CA10: variants seen among roughly 807,000 people sequenced by gnomAD.
The protein encoded by CA10 is carbonic anhydrase 10 (inactive), also known as carbonic anhydrase-related protein 10.
A neutral mutation model predicts 44.2 loss-of-function variants in CA10; 14 were observed. The ratio of observed to expected loss-of-function variants is 0.32; its 90% CI spans 0.21 to 0.50. The LOEUF (loss-of-function observed/expected upper bound fraction) is 0.50, where lower values mean the gene tolerates loss of function less well. Among genes scored for constraint, CA10 ranks in the 20% least tolerant of loss-of-function variants. CA10 has a pLI of 0.99. For synonymous variants in CA10, 159 were observed against 141.6 expected, an observed-to-expected ratio of 1.12 and a Z score of -0.87; for missense variants, 350 against 409.7, an observed-to-expected ratio of 0.85 and a Z score of 1.26.
At chr17:51,852,581 A>G (rs1978844223) in intron 3 of CA10, among the ~76,000 whole-genome samples, 2 of 152,226 alleles carry the variant, frequency 1.3e-5, no homozygotes, top group African/African-American at 4.8e-5. Context: ...GCTGAAATTT[A>G]AATCCAGGTC....
intron 2 of CA10, among the ~76,000 whole-genome samples, chr17:52,047,910 AATATT>A (rs1348813172): frequency 6.6e-6 from 1 of 151,902 alleles, no homozygotes; most frequent in Non-Finnish European, 1.5e-5. Context: ...ATGGTGAAAC[AATATT>A]ATATTAGTAA....
At chr17:52,115,547 T>G (rs1398847894) in intron 1 of CA10, among the ~76,000 whole-genome samples, 5 of 152,238 alleles carry the variant, frequency 3.3e-5, no homozygotes, top group Non-Finnish European at 7.3e-5. Flanking sequence ...TTTCCTTCTT[T>G]TTATTAGGAC....
intron 2 of CA10, among the ~76,000 whole-genome samples, chr17:51,966,026 T>A (rs1271277177): frequency 6.6e-6 from 1 of 151,878 alleles, no homozygotes; most frequent in Non-Finnish European, 1.5e-5. Flanking sequence ...AAGTTTCATG[T>A]TATAAAGTCA....
At chr17:51,739,935 T>C (rs576807522) in intron 4 of CA10, among the ~76,000 whole-genome samples, 1 of 152,308 alleles carries the variant, frequency 6.6e-6, no homozygotes, top group South Asian at 2.1e-4. Context: ...ATGAGGAATC[T>C]AAATGAATTT....
At chr17:51,788,701 T>C (rs1360554678) in intron 3 of CA10, among the ~76,000 whole-genome samples, 1 of 152,238 alleles carries the variant, frequency 6.6e-6, no homozygotes, top group Non-Finnish European at 1.5e-5. Context: ...TTTAGGATGA[T>C]TTCCCTTGAA....
At chr17:51,923,365 C>G (rs890931977) in intron 3 of CA10, among the ~76,000 whole-genome samples, 3 of 152,272 alleles carry the variant, frequency 2.0e-5, no homozygotes, top group Admixed American at 2.0e-4. Flanking sequence ...TATCCTACCT[C>G]TTCCATAAAG....
intron 2 of CA10, among the ~76,000 whole-genome samples, chr17:51,993,975 G>C (rs957571261): frequency 6.6e-6 from 1 of 151,864 alleles, no homozygotes. Flanking sequence ...CATCTTAAAG[G>C]CAATAAAATA....
intron 1 of CA10, among the ~76,000 whole-genome samples, chr17:52,108,636 G>A (rs576933204): frequency 2.1e-4 from 32 of 148,988 alleles, no homozygotes; most frequent in Middle Eastern, 3.4e-3. Flanking sequence ...GGAGGTGGAG[G>A]TTGCAGTGAG....
At chr17:51,911,598 G>C (rs1181229564) in intron 3 of CA10, among the ~76,000 whole-genome samples, 1 of 152,138 alleles carries the variant, frequency 6.6e-6, no homozygotes, top group Non-Finnish European at 1.5e-5. Context: ...CAATCGAGAA[G>C]TGCAAAAGAA....
intron 3 of CA10, among the ~76,000 whole-genome samples, chr17:51,886,902 T>A (rs774705744): frequency 6.6e-6 from 1 of 152,098 alleles, no homozygotes; most frequent in Non-Finnish European, 1.5e-5. Flanking sequence ...CTTATGCCAT[T>A]AGCTCCCCGT....
At chr17:52,149,203 G>GAAAACTCACCTGA (rs1989651996) in intron 1 of CA10, among the ~76,000 whole-genome samples, 1 of 152,238 alleles carries the variant, frequency 6.6e-6, no homozygotes, top group South Asian at 2.1e-4. Context: ...CTTGGCTCTG[G>GAAAACTCACCTGA]AAAACTCACC....
chr17:51,783,220 A>G (rs1294584819), intron 3 of CA10, among the ~76,000 whole-genome samples: 1 of 152,184 alleles, frequency 6.6e-6, no homozygotes, highest in Non-Finnish European at 1.5e-5. Flanking sequence ...AGCAGGAACT[A>G]CATTGAAAAT....
chr17:51,635,822 C>T (rs1446407467), intron 7 of CA10, 33 bp downstream of exon 7: 5 of 1,492,194 alleles, frequency 3.4e-6, no homozygotes, highest in East Asian at 2.3e-5. Context: ...CATCATTCTT[C>T]TCCATTAGCT....
chr17:51,849,233 G>GTATATATATATATATATATA (rs1217693250), intron 3 of CA10, among the ~76,000 whole-genome samples: 3 of 39,896 alleles, frequency 7.5e-5, no homozygotes, highest in Non-Finnish European at 1.2e-4. Context: ...ATATGTGTGT[G>GTATATATATATATATATATA]TATATATATA....
intron 3 of CA10, among the ~76,000 whole-genome samples, chr17:51,808,208 A>T (rs1403789053): frequency 6.6e-6 from 1 of 152,168 alleles, no homozygotes; most frequent in African/African-American, 2.4e-5. Context: ...AAAGGTTTTA[A>T]AGTTTCTTAG....
At chr17:51,893,699 G>A (rs1157251930) in intron 3 of CA10, among the ~76,000 whole-genome samples, 1 of 152,058 alleles carries the variant, frequency 6.6e-6, no homozygotes, top group African/African-American at 2.4e-5. Context: ...AGAATTAAAA[G>A]GCTTATTTTT....
intron 2 of CA10, among the ~76,000 whole-genome samples, chr17:52,031,294 C>A (rs1439105139): frequency 6.6e-6 from 1 of 151,916 alleles, no homozygotes. Flanking sequence ...AGACTACAGG[C>A]ATGCACCACC....
chr17:51,893,602 G>C (rs913755944), intron 3 of CA10, among the ~76,000 whole-genome samples: 2 of 152,136 alleles, frequency 1.3e-5, no homozygotes, highest in African/African-American at 2.4e-5. Context: ...TACTGAGTGA[G>C]ATAAACTGAT....
chr17:51,756,730 C>G (rs1334707963), intron 3 of CA10, among the ~76,000 whole-genome samples: 1 of 152,056 alleles, frequency 6.6e-6, no homozygotes, highest in African/African-American at 2.4e-5. Context: ...CCCGTCTTGG[C>G]CTCCCAAAGT....
Sources: allele counts gnomAD v4.1 joint callset (sites outside exome capture counted in the v4.1 genomes callset), GRCh38; gene constraint gnomAD v4.1.1; transcripts MANE v1.5; gene names NCBI Gene and HGNC (gene_info 2026-07-23, HGNC 2026-07-21).